HAGH: variants seen among roughly 807,000 people sequenced by gnomAD.
The protein encoded by HAGH is hydroxyacylglutathione hydrolase.
Under a neutral mutation model 35.1 loss-of-function variants are expected in HAGH, and 29 were observed. That is an observed-to-expected ratio of 0.83 (90% CI 0.62 to 1.13). HAGH has a LOEUF of 1.13. HAGH is among the 50% of genes most tolerant of loss of function. HAGH has a pLI of 0.00. For synonymous variants in HAGH, 225 were observed against 176.1 expected (o/e 1.28, Z -2.20); for missense variants, 478 against 419.6 (o/e 1.14, Z -1.22).
chr16:1,825,494 C>T (rs1898360024), intron 1 of HAGH, among the ~76,000 whole-genome samples: 2 of 152,206 alleles, frequency 1.3e-5, no homozygotes, highest in Admixed American at 6.5e-5. Context: ...TGTTTTGTAA[C>T]TGTAATACTT....
rs774079417 is a variant in HAGH, at chr16:1,819,928, G to C, written c.401C>G (p.Thr134Ser). ...YGGDDRIGAL[T>S]HKITHLSTLQ... ...TGTGGACAGGTGAGTGATCTTGTGA[G>C]TCAGGGCCCCGATACGGTCGTCACC... Residue 134 changes from threonine to serine, a missense_variant, in exon 4 of 9, where the codon ACT becomes AGT. Physicochemically the swap from Thr to Ser is moderately conservative, Grantham distance 58 (BLOSUM62 1). Coordinates refer to ENST00000397356, the MANE Select transcript of HAGH (RefSeq NM_005326.6). 3.1e-6 allele frequency: 5 copies of C among 1,612,184 alleles called. No individual in the cohort carries two copies. The highest frequency in any genetic ancestry group is 1.3e-5 in the African/African-American group (1 of 74,952).
In HAGH at chr16:1,816,979, G is replaced by A. The variant is rs1313487873; in HGVS notation, c.661C>T (p.His221Tyr). 1 of 1,611,200 alleles carries A rather than the reference G, an allele frequency of 6.2e-7. No homozygotes were observed. The highest frequency in any genetic ancestry group is 1.1e-5 in the South Asian group (1 of 91,038). The part of the protein sequence containing the change: ...LPPDTRVYCG[H>Y]EYTINNLKFA... ...TTGAGGTTGTTGATGGTGTACTCGT[G>A]GCCACAGTAGACTCTCTGAGGAGAG... Residue 221 changes from histidine (H) to tyrosine (Y), a missense_variant, in exon 7 of 9, where the codon CAC becomes TAC. Coordinates refer to ENST00000397356, the MANE Select transcript of HAGH (RefSeq NM_005326.6).
chr16:1,813,878 G>A (rs533524867), intron 7 of HAGH, among the ~76,000 whole-genome samples: 1 of 152,198 alleles, frequency 6.6e-6, no homozygotes, highest in Non-Finnish European at 1.5e-5. Flanking sequence ...ACAGAGCAGA[G>A]ACCAGAAGCA....
chr16:1,816,674 A>C (rs529256931), intron 7 of HAGH, among the ~76,000 whole-genome samples: 15 of 152,254 alleles, frequency 9.9e-5, no homozygotes, highest in African/African-American at 3.1e-4. Context: ...CTTTTTACAC[A>C]CGCAGCGTCT....
In HAGH at chr16:1,808,449, T is replaced by C. The variant is rs1742415; in HGVS notation, c.*834A>G. 151,826 of 151,996 alleles carry C rather than the reference T, an allele frequency of 1. 75,828 individuals carry two copies. Among genetic ancestry groups the C allele is most frequent in the Middle Eastern group, 1 (294 of 294 alleles). 9.4% of individuals were successfully genotyped at this position (151,996 alleles called of 1,614,324 possible). A position where few individuals can be genotyped will look rare whatever the true frequency, so the allele number is the denominator to read the frequency against. On this transcript the variant is annotated 3_prime_UTR_variant, in exon 9 of 9. Transcript: ENST00000397356. ...CCGAGTAGCCGGGACTACAGGTGTC[T>C]GCCACCACACCTGGCTAATTTTTTG...
chr16:1,817,016 G>C (rs200651750), intron 6 of HAGH, 22 bp from the exon 7 acceptor site: 8 of 1,534,758 alleles, frequency 5.2e-6, no homozygotes, highest in Non-Finnish European at 7.2e-6. Context: ...GGTGACAGGT[G>C]AGCTCGGAAG....
intron 1 of HAGH, 122 bp from the exon 2 acceptor site, chr16:1,823,159 T>C (rs1451174327): frequency 2.5e-6 from 2 of 810,980 alleles, no homozygotes; most frequent in Non-Finnish European, 2.0e-6. Flanking sequence ...TGGCCAGGTA[T>C]GGTGGTTCTT....
intron 7 of HAGH, among the ~76,000 whole-genome samples, chr16:1,814,619 G>A (rs896962378): frequency 6.6e-6 from 1 of 152,142 alleles, no homozygotes; most frequent in African/African-American, 2.4e-5. Flanking sequence ...ATATATCTCA[G>A]CTGGGCGTGG....
At chr16:1,820,298 G>A (rs1475852893) in intron 3 of HAGH, among the ~76,000 whole-genome samples, 2 of 152,076 alleles carry the variant, frequency 1.3e-5, no homozygotes, top group African/African-American at 4.8e-5. Flanking sequence ...GTGGGTCTGG[G>A]GCGTGGCCTG....
At chr16:1,818,988 C>T (rs1438732559) in intron 5 of HAGH, 127 bp downstream of exon 5, 1 of 651,924 alleles carries the variant, frequency 1.5e-6, no homozygotes, top group South Asian at 1.8e-5. Flanking sequence ...CTCCCCAGCA[C>T]CCACCCCTGG....
In HAGH at chr16:1,826,405, G is replaced by T. The variant is rs947333822; in HGVS notation, c.76+307C>A. On this transcript the variant is annotated intron_variant, in intron 1 of 8. Coordinates refer to ENST00000397356, the MANE Select transcript of HAGH (RefSeq NM_005326.6). ...AGAGCCGCGCCCCAGGCTCTCCTCG[G>T]CGCCGGCCCGGGCAGGACGCGATGC... is the stretch of plus-strand genomic sequence containing the variant. 2 of 292,354 alleles carry T rather than the reference G, an allele frequency of 6.8e-6. 1 individual carries two copies. Among genetic ancestry groups the T allele is most frequent in the Non-Finnish European group, 1.0e-5 (2 of 197,290 alleles). 18.1% of individuals were successfully genotyped at this position (292,354 alleles called of 1,614,324 possible). A position where few individuals can be genotyped will look rare whatever the true frequency, so the allele number is the denominator to read the frequency against.
chr16:1,814,796 G>A (rs1897813682), intron 7 of HAGH, among the ~76,000 whole-genome samples: 1 of 151,968 alleles, frequency 6.6e-6, no homozygotes. Flanking sequence ...TACTTGGGAG[G>A]CTGAGGCAGG....
chr16:1,826,848 T>A (rs1898462105), upstream of HAGH: 1 of 1,058,952 alleles, frequency 9.4e-7, no homozygotes, highest in Admixed American at 4.0e-5. Context: ...CGTCGGCGCG[T>A]CGCAGCCAAT....
chr16:1,822,482 C>CCCGTCCTG, intron 2 of HAGH, 118 bp from the exon 3 acceptor site: 1 of 771,948 alleles, frequency 1.3e-6, no homozygotes, highest in South Asian at 1.4e-5. Context: ...GCTGACATGG[C>CCCGTCCTG]CCGTCCTGAC....
chr16:1,814,675 G>A (rs1271150962), intron 7 of HAGH, among the ~76,000 whole-genome samples: 21 of 149,510 alleles, frequency 1.4e-4, no homozygotes, highest in Admixed American at 1.4e-3. Flanking sequence ...CGAGGCGGGT[G>A]GATCACGAGG....
At chr16:1,819,533 TTTG>T (rs1234420542) in intron 4 of HAGH, among the ~76,000 whole-genome samples, 8 of 152,188 alleles carry the variant, frequency 5.3e-5, no homozygotes, top group African/African-American at 1.9e-4. Flanking sequence ...CACATGGCCT[TTTG>T]TTTTCCTGTC....
At position 1,822,804 on chromosome 16, in the gene HAGH, G is replaced by A. The variant is rs574509450; in HGVS notation, c.249+61C>T. 8.6e-5 allele frequency: 122 copies of A among 1,418,202 alleles called. No individual in the cohort carries two copies. The African/African-American group carries it at 9.8e-4, about 11-fold the overall frequency. The allele number at this position is 1,418,202 out of a possible 1,614,324, so 87.9% of individuals were successfully genotyped here. A position where few individuals can be genotyped will look rare whatever the true frequency, so the allele number is the denominator to read the frequency against. On this transcript the variant is annotated intron_variant, in intron 2 of 8. Transcript: ENST00000397356. ...GGACACTGCGGTTAGGAAACCCATC[G>A]GGGGTGAGGACTCCGAGCTGGGTGA... is the stretch of plus-strand genomic sequence containing the variant.
At position 1,809,310 on chromosome 16, in the gene HAGH, C is replaced by A; in HGVS notation, c.900G>T (p.Lys300Asn). Residue 300 changes from lysine (K) to asparagine (N), a missense_variant, in exon 9 of 9, where the codon AAG (lysine) becomes AAT (asparagine). Transcript: ENST00000397356. ...AGTCCCGGGGCATCTTGAACTGGTC[C>A]TTCTCCCTGCGCACGGCCCGCATGG... ...VTTMRAVRREKDQFKMPRD is the reference protein window; with the variant it reads ...VTTMRAVRRENDQFKMPRD 6.2e-7 allele frequency: 1 copy of A among 1,613,498 alleles called. No homozygotes were observed. The highest frequency in any genetic ancestry group is 8.5e-7 in the Non-Finnish European group (1 of 1,179,588).
chr16:1,810,630 AAC>A (rs1292866145), intron 7 of HAGH: 2 of 153,356 alleles, frequency 1.3e-5, no homozygotes, highest in African/African-American at 4.8e-5. Context: ...TTAGCAGGAA[AAC>A]ACAGGGCGGC....
Sources: allele counts gnomAD v4.1 joint callset (sites outside exome capture counted in the v4.1 genomes callset), GRCh38; gene constraint gnomAD v4.1.1; transcripts MANE v1.5; gene names NCBI Gene and HGNC (gene_info 2026-07-23, HGNC 2026-07-21).